ST6GALNAC3: variants seen among roughly 807,000 people sequenced by gnomAD.
ST6GALNAC3 encodes alpha-N-acetylgalactosaminide alpha-2,6-sialyltransferase 3.
A neutral mutation model predicts 32.7 loss-of-function variants in ST6GALNAC3; 25 were observed. The ratio of observed to expected loss-of-function variants is 0.76; its 90% CI spans 0.56 to 1.07. ST6GALNAC3 has a LOEUF of 1.07. ST6GALNAC3 is among the 50% of genes least tolerant of loss of function. The pLI is 0.00. For synonymous variants in ST6GALNAC3, 129 were observed against 133.1 expected (o/e 0.97, Z 0.21); for missense variants, 355 against 382.4 (o/e 0.93, Z 0.60).
At chr1:76,451,430 G>C (rs534081678) in intron 3 of ST6GALNAC3, among the ~76,000 whole-genome samples, 1 of 152,168 alleles carries the variant, frequency 6.6e-6, no homozygotes, top group African/African-American at 2.4e-5. Context: ...GGAGAAACCT[G>C]CCCCTGTGAT....
At chr1:76,272,326 A>G (rs1250807326) in intron 1 of ST6GALNAC3, among the ~76,000 whole-genome samples, 1 of 55,354 alleles carries the variant, frequency 1.8e-5, no homozygotes. Flanking sequence ...CAGTCTCGGA[A>G]AAAAAAAAAA....
chr1:76,486,850 G>T (rs996512843), intron 3 of ST6GALNAC3, among the ~76,000 whole-genome samples: 5 of 152,186 alleles, frequency 3.3e-5, no homozygotes, highest in African/African-American at 1.2e-4. Flanking sequence ...GCATGTTTCT[G>T]CAGTGGCTCG....
chr1:76,153,422 C>A (rs942969246), intron 1 of ST6GALNAC3, among the ~76,000 whole-genome samples: 1 of 152,152 alleles, frequency 6.6e-6, no homozygotes, highest in African/African-American at 2.4e-5. Context: ...CTGTGAGCCT[C>A]TGGGGAGATG....
chr1:76,341,789 C>T (rs2100994748), intron 2 of ST6GALNAC3, among the ~76,000 whole-genome samples: 1 of 151,554 alleles, frequency 6.6e-6, no homozygotes, highest in African/African-American at 2.4e-5. Context: ...ATACATGGGC[C>T]ATGATGGTTT....
downstream of ST6GALNAC3, among the ~76,000 whole-genome samples, chr1:76,635,572 C>T (rs1649484507): frequency 6.6e-6 from 1 of 152,170 alleles, no homozygotes; most frequent in Admixed American, 6.5e-5. Context: ...GCCCAGAGTC[C>T]ATACCTATCT....
At chr1:76,317,449 A>T (rs1646886498) in intron 2 of ST6GALNAC3, among the ~76,000 whole-genome samples, 1 of 152,138 alleles carries the variant, frequency 6.6e-6, no homozygotes, top group Non-Finnish European at 1.5e-5. Context: ...CATGCTTCAG[A>T]GATTATCACA....
intron 3 of ST6GALNAC3, among the ~76,000 whole-genome samples, chr1:76,505,146 C>T (rs1661400204): frequency 6.7e-6 from 1 of 148,520 alleles, no homozygotes; most frequent in African/African-American, 2.5e-5. Context: ...TTTTTTCAGA[C>T]AGAGTCTCGC....
intron 1 of ST6GALNAC3, among the ~76,000 whole-genome samples, chr1:76,165,164 C>T (rs1425132899): frequency 6.6e-6 from 1 of 152,120 alleles, no homozygotes; most frequent in African/African-American, 2.4e-5. Flanking sequence ...TCCTCTCCCT[C>T]CTCTCACCTT....
At chr1:76,391,248 T>G (rs1478035135) in intron 2 of ST6GALNAC3, among the ~76,000 whole-genome samples, 2 of 152,156 alleles carry the variant, frequency 1.3e-5, no homozygotes, top group African/African-American at 4.8e-5. Flanking sequence ...CCCAAAATGC[T>G]TATTAATCTT....
intron 3 of ST6GALNAC3, among the ~76,000 whole-genome samples, chr1:76,581,300 G>A (rs1319671824): frequency 6.6e-6 from 1 of 152,054 alleles, no homozygotes; most frequent in Non-Finnish European, 1.5e-5. Flanking sequence ...CATCACTGCA[G>A]GATGGAGTCA....
intron 2 of ST6GALNAC3, among the ~76,000 whole-genome samples, chr1:76,339,383 A>T (rs1647771147): frequency 2.6e-5 from 4 of 152,238 alleles, no homozygotes; most frequent in South Asian, 4.1e-4. Flanking sequence ...GGCATGTGGG[A>T]AGTTCCTAGG....
intron 3 of ST6GALNAC3, among the ~76,000 whole-genome samples, chr1:76,580,657 G>A (rs769566298): frequency 2.7e-5 from 4 of 149,632 alleles, no homozygotes; most frequent in Non-Finnish European, 5.9e-5. Context: ...GCTTGTGGTA[G>A]TCACTTGAAT....
intron 1 of ST6GALNAC3, among the ~76,000 whole-genome samples, chr1:76,214,865 T>C (rs918934926): frequency 6.6e-6 from 1 of 152,178 alleles, no homozygotes; most frequent in African/African-American, 2.4e-5. Flanking sequence ...GAAGAGAGCA[T>C]GAGACTTGAA....
chr1:76,159,805 C>G (rs1174903610), intron 1 of ST6GALNAC3, among the ~76,000 whole-genome samples: 1 of 152,190 alleles, frequency 6.6e-6, no homozygotes, highest in Non-Finnish European at 1.5e-5. Context: ...ATGCCATAAA[C>G]TGTGCTAAGG....
intron 3 of ST6GALNAC3, among the ~76,000 whole-genome samples, chr1:76,530,540 G>A (rs1209436379): frequency 6.6e-6 from 1 of 152,180 alleles, no homozygotes; most frequent in Non-Finnish European, 1.5e-5. Flanking sequence ...AAGGGAGAGA[G>A]TTCTCTTAGC....
intron 3 of ST6GALNAC3, among the ~76,000 whole-genome samples, chr1:76,613,907 A>T (rs1648105731): frequency 6.6e-6 from 1 of 152,362 alleles, no homozygotes; most frequent in South Asian, 2.1e-4. Context: ...TAATACAGTA[A>T]GGCTTATGGA....
intron 3 of ST6GALNAC3, among the ~76,000 whole-genome samples, chr1:76,623,027 C>G (rs1183101544): frequency 6.6e-6 from 1 of 151,888 alleles, no homozygotes; most frequent in Non-Finnish European, 1.5e-5. Flanking sequence ...GCCAAAAACA[C>G]TGAGACTGGT....
chr1:76,459,341 G>C (rs1044229082), intron 3 of ST6GALNAC3, among the ~76,000 whole-genome samples: 10 of 152,274 alleles, frequency 6.6e-5, no homozygotes, highest in Non-Finnish European at 1.0e-4. Context: ...AAGGCAGGCG[G>C]ATCATGAGGT....
intron 3 of ST6GALNAC3, among the ~76,000 whole-genome samples, chr1:76,478,972 A>C (rs113267657): frequency 0.12 from 17,932 of 151,526 alleles, 1,099 homozygotes; most frequent in Middle Eastern, 0.15. Context: ...ACTGTGTTAG[A>C]CAGGATGGTC....
Sources: allele counts gnomAD v4.1 joint callset (sites outside exome capture counted in the v4.1 genomes callset), GRCh38; gene constraint gnomAD v4.1.1; transcripts MANE v1.5; gene names NCBI Gene and HGNC (gene_info 2026-07-23, HGNC 2026-07-21).